The following SOX13 variants were observed in gnomAD, a reference collection of about 807,000 sequenced individuals.
SOX13 encodes the protein SRY-box transcription factor 13.
A neutral mutation model predicts 71.8 loss-of-function variants in SOX13; 28 were observed. The observed-to-expected ratio is 0.39, with a 90% CI of 0.29 to 0.53. The LOEUF (loss-of-function observed/expected upper bound fraction) is 0.53. SOX13 is among the 20% of genes least tolerant of loss of function. The pLI is 0.70. For missense variants in SOX13, 627 were observed against 810.3 expected (o/e 0.77, Z 2.75); for synonymous variants, 309 against 317.8 (o/e 0.97, Z 0.29).
At chr1:204,121,405 C>G (rs1461967794) in intron 7 of SOX13, among the ~76,000 whole-genome samples, 2 of 152,234 alleles carry the variant, frequency 1.3e-5, no homozygotes, top group African/African-American at 4.8e-5. Flanking sequence ...AGCCACCACA[C>G]CCAGCCCCAT....
At chr1:204,115,594 T>C (rs1048504310) in intron 4 of SOX13, among the ~76,000 whole-genome samples, 1 of 150,054 alleles carries the variant, frequency 6.7e-6, no homozygotes, top group African/African-American at 2.4e-5. Context: ...CTAACATTTA[T>C]TGGTTGAGGA....
At chr1:204,120,332 G>A (rs894442784) in intron 7 of SOX13, among the ~76,000 whole-genome samples, 3 of 152,198 alleles carry the variant, frequency 2.0e-5, no homozygotes, top group Non-Finnish European at 4.4e-5. Context: ...TGATCTGGTC[G>A]GGGATAGGAC....
intron 1 of SOX13, among the ~76,000 whole-genome samples, chr1:204,084,326 C>T (rs1297659796): frequency 6.6e-6 from 1 of 152,154 alleles, no homozygotes; most frequent in Non-Finnish European, 1.5e-5. Flanking sequence ...TCCCAGGCAG[C>T]TGTGGGGGGT....
intron 1 of SOX13, among the ~76,000 whole-genome samples, chr1:204,083,905 G>A (rs1655961142): frequency 6.6e-6 from 1 of 152,186 alleles, no homozygotes; most frequent in Admixed American, 6.5e-5. Context: ...GAGCACCCAC[G>A]AAAAGTTCCC....
intron 1 of SOX13, among the ~76,000 whole-genome samples, chr1:204,104,980 G>A (rs1405110715): frequency 6.6e-6 from 1 of 152,194 alleles, no homozygotes; most frequent in Non-Finnish European, 1.5e-5. Context: ...GCAGAAAGGG[G>A]CTAGGTTTGT....
At chr1:204,096,085 GT>G (rs1024802266) in intron 1 of SOX13, among the ~76,000 whole-genome samples, 3 of 152,042 alleles carry the variant, frequency 2.0e-5, no homozygotes, top group African/African-American at 7.2e-5. Context: ...GGACACTTGA[GT>G]TGTTTCCCAT....
intron 1 of SOX13, among the ~76,000 whole-genome samples, chr1:204,091,733 CGTGTGTGTGTGTGT>C (rs4018610): frequency 1.3e-5 from 2 of 150,276 alleles, no homozygotes; most frequent in African/African-American, 4.9e-5. Flanking sequence ...TGTGCGTGTG[CGTGTGTGTGTGTGT>C]GTGTGTGTGT....
intron 1 of SOX13, among the ~76,000 whole-genome samples, chr1:204,088,204 G>C (rs956760143): frequency 2.6e-5 from 4 of 152,134 alleles, no homozygotes; most frequent in African/African-American, 9.7e-5. Flanking sequence ...GGCTGTGGAC[G>C]TAGCCCTGTT....
intron 1 of SOX13, among the ~76,000 whole-genome samples, chr1:204,086,698 T>C (rs1204666749): frequency 1.3e-5 from 2 of 152,194 alleles, no homozygotes; most frequent in South Asian, 2.1e-4. Flanking sequence ...ACTCTAAATA[T>C]GGAGCCATTT....
intron 1 of SOX13, among the ~76,000 whole-genome samples, chr1:204,080,130 A>G (rs560889809): frequency 6.6e-6 from 1 of 152,308 alleles, no homozygotes; most frequent in East Asian, 1.9e-4. Flanking sequence ...TTTCTTCCCA[A>G]ATAGCTTTGG....
At chr1:204,108,325 T>C (rs552310000) in intron 1 of SOX13, among the ~76,000 whole-genome samples, 1 of 152,324 alleles carries the variant, frequency 6.6e-6, no homozygotes, top group East Asian at 1.9e-4. Flanking sequence ...CCACAGCACA[T>C]TTCTGTTGGG....
At position 204,087,799 on chromosome 1, in the gene SOX13, T is replaced by G. The variant is rs566955788; in HGVS notation, c.-2+14088T>G. Among the ~76,000 whole-genome samples, 4 of 152,354 alleles carry G rather than the reference T, an allele frequency of 2.6e-5. No individual in the cohort carries two copies. In the East Asian group the frequency reaches 7.7e-4, roughly 29 times the overall value. On this transcript the variant is annotated intron_variant, in intron 1 of 13. Coordinates refer to ENST00000367204, the MANE Select transcript of SOX13 (RefSeq NM_005686.3). ...CACTTTGCCACAGCCCCGCACAGGATGCTTCTGTGAGGCTTGTCTCGGGTA... is the reference window on the plus strand; with the variant it reads ...CACTTTGCCACAGCCCCGCACAGGAGGCTTCTGTGAGGCTTGTCTCGGGTA...
Position 204,086,100 on chromosome 1 carries a change from G to A in SOX13, c.-2+12389G>A, listed in dbSNP as rs114072775. On this transcript the variant is annotated intron_variant, in intron 1 of 13. Transcript: ENST00000367204. ...TCCTAAGTACATGTTTGTGAGCACA[G>A]CTGGAGGAGTGGCCTGGGCCAGGTG... Among the ~76,000 whole-genome samples, 893 of 152,372 alleles carry A rather than the reference G, an allele frequency of 5.9e-3. 9 individuals carry two copies. The highest frequency in any genetic ancestry group is 0.019 in the African/African-American group (792 of 41,580).
chr1:204,075,052 G>A (rs2102215170), intron 1 of SOX13, among the ~76,000 whole-genome samples: 1 of 152,316 alleles, frequency 6.6e-6, no homozygotes, highest in South Asian at 2.1e-4. Flanking sequence ...CCAAGTAGGT[G>A]GGTCTCTACC....
chr1:204,074,355 T>C, intron 1 of SOX13: 1 of 139,766 alleles, frequency 7.2e-6, no homozygotes, highest in East Asian at 2.3e-4. Flanking sequence ...AGGCTGCTTC[T>C]TGCTACCCCC....
chr1:204,091,466 G>T (rs1294870222), intron 1 of SOX13, among the ~76,000 whole-genome samples: 1 of 152,226 alleles, frequency 6.6e-6, no homozygotes, highest in Admixed American at 6.5e-5. Context: ...CAATGGATAA[G>T]CTTTACCAAG....
At chr1:204,088,945 C>T (rs1656081501) in intron 1 of SOX13, among the ~76,000 whole-genome samples, 1 of 152,150 alleles carries the variant, frequency 6.6e-6, no homozygotes, top group South Asian at 2.1e-4. Flanking sequence ...TGAGGGGAGC[C>T]TCCAGTGGTC....
chr1:204,083,761 C>T (rs773155823), intron 1 of SOX13, among the ~76,000 whole-genome samples: 13 of 152,166 alleles, frequency 8.5e-5, no homozygotes, highest in Non-Finnish European at 1.2e-4. Flanking sequence ...GTGGCTATGC[C>T]GGGCCACCCT....
At chr1:204,086,722 G>A (rs1006570104) in intron 1 of SOX13, among the ~76,000 whole-genome samples, 2 of 152,036 alleles carry the variant, frequency 1.3e-5, no homozygotes, top group Non-Finnish European at 2.9e-5. Context: ...TAATTTCTTT[G>A]AGCCATATTT....
Sources: allele counts gnomAD v4.1 joint callset (sites outside exome capture counted in the v4.1 genomes callset), GRCh38; gene constraint gnomAD v4.1.1; transcripts MANE v1.5; gene names NCBI Gene and HGNC (gene_info 2026-07-23, HGNC 2026-07-21).